Variants in SLF1 observed in about 807,000 individuals in gnomAD.
SLF1 encodes the protein SMC5/6 complex localization factor 1, also known as SMC5-SMC6 complex localization factor protein 1.
In SLF1, 105 loss-of-function variants were observed where a neutral mutation model predicts 123.0. The ratio of observed to expected loss-of-function variants is 0.85; its 90% confidence interval spans 0.73 to 1.00. SLF1 has a LOEUF of 1.00. Ranked by LOEUF, SLF1 falls within the 50% of genes least tolerant of loss-of-function variation. SLF1 has a pLI of 0.00. For missense variants in SLF1, 1,239 were observed against 1,223.0 expected (o/e 1.01, Z -0.20); for synonymous variants, 434 against 406.6 (o/e 1.07, Z -0.81).
intron 4 of SLF1, among the ~76,000 whole-genome samples, chr5:94,639,165 C>G (rs922352148): frequency 6.6e-6 from 1 of 151,214 alleles, no homozygotes; most frequent in Admixed American, 6.6e-5. Context: ...CTCAGCTTCC[C>G]GAATAACTGG....
rs139084996 is a variant in SLF1 at position 94,676,998 on chromosome 5, C to G, written c.1828-1810C>G. ...CTAGGGATTTCTTTCTCACTAATCCCATATTAGGCATAATATGTGCTAGTT... is the reference window on the plus strand; with the variant it reads ...CTAGGGATTTCTTTCTCACTAATCCGATATTAGGCATAATATGTGCTAGTT... On this transcript the variant is annotated intron_variant, in intron 14 of 20. Transcript: ENST00000265140. Among the ~76,000 whole-genome samples, 309 of 152,184 alleles carry G rather than the reference C, an allele frequency of 2.0e-3. 2 individuals are homozygous for G. The highest frequency in any genetic ancestry group is 7.2e-3 in the African/African-American group (301 of 41,524).
At chr5:94,621,753 T>C (rs1791808862) in intron 1 of SLF1, among the ~76,000 whole-genome samples, 1 of 152,160 alleles carries the variant, frequency 6.6e-6, no homozygotes, top group South Asian at 2.1e-4. Flanking sequence ...GCTTGTTCTG[T>C]TTCTTCCTTC....
intron 4 of SLF1, among the ~76,000 whole-genome samples, chr5:94,632,887 C>T (rs1389171064): frequency 6.6e-6 from 1 of 151,886 alleles, no homozygotes; most frequent in Non-Finnish European, 1.5e-5. Flanking sequence ...GGTGGGGTTT[C>T]ACTGTGTTAG....
intron 4 of SLF1, among the ~76,000 whole-genome samples, chr5:94,639,121 A>C (rs1227314549): frequency 7.0e-6 from 1 of 142,272 alleles, no homozygotes; most frequent in South Asian, 2.2e-4. Flanking sequence ...GCTCACTGCA[A>C]CCTCTGCCTC....
chr5:94,640,139 C>A (rs1176997788), intron 4 of SLF1, among the ~76,000 whole-genome samples: 1 of 151,900 alleles, frequency 6.6e-6, no homozygotes, highest in Non-Finnish European at 1.5e-5. Context: ...GGTATCATAC[C>A]TTTTTTTGCC....
intron 4 of SLF1, among the ~76,000 whole-genome samples, chr5:94,639,166 G>A (rs1746169234): frequency 1.4e-5 from 2 of 147,574 alleles, no homozygotes; most frequent in Non-Finnish European, 3.0e-5. Flanking sequence ...TCAGCTTCCC[G>A]AATAACTGGA....
chr5:94,666,578 A>G (rs556918080), intron 12 of SLF1, among the ~76,000 whole-genome samples: 62 of 152,148 alleles, frequency 4.1e-4, no homozygotes, highest in Non-Finnish European at 8.4e-4. Flanking sequence ...TCCCTAACAG[A>G]AAATGTTTTC....
intron 10 of SLF1, among the ~76,000 whole-genome samples, chr5:94,663,278 C>T (rs1212441394): frequency 1.3e-5 from 2 of 152,150 alleles, no homozygotes; most frequent in East Asian, 1.9e-4. Context: ...ACATATCATC[C>T]TCTTTGAACT....
intron 4 of SLF1, among the ~76,000 whole-genome samples, chr5:94,635,282 C>T (rs1001219144): frequency 6.7e-6 from 1 of 148,272 alleles, no homozygotes; most frequent in African/African-American, 2.5e-5. Flanking sequence ...CCTTCATTTT[C>T]ACTCTGTGTG....
intron 10 of SLF1, among the ~76,000 whole-genome samples, chr5:94,663,208 T>G (rs1420353540): frequency 1.3e-5 from 2 of 152,242 alleles, no homozygotes; most frequent in African/African-American, 2.4e-5. Context: ...GGTAGTATTT[T>G]CCCTTACTAC....
chr5:94,649,250 A>G (rs1325147616), intron 5 of SLF1, among the ~76,000 whole-genome samples: 1 of 152,166 alleles, frequency 6.6e-6, no homozygotes, highest in Non-Finnish European at 1.5e-5. Context: ...TACAGAAATC[A>G]CTTTATTATT....
At chr5:94,668,458 C>G (rs1028831640) in intron 12 of SLF1, among the ~76,000 whole-genome samples, 1 of 152,008 alleles carries the variant, frequency 6.6e-6, no homozygotes, top group Non-Finnish European at 1.5e-5. Context: ...CTCAGCCTCC[C>G]AAGTAGCTGG....
At chr5:94,624,618 T>G (rs1792070843) in intron 1 of SLF1, among the ~76,000 whole-genome samples, 1 of 152,240 alleles carries the variant, frequency 6.6e-6, no homozygotes. Context: ...ACTTGTTTAA[T>G]TCTGAGGAAG....
chr5:94,682,873 A>C (rs938385260), intron 15 of SLF1, among the ~76,000 whole-genome samples: 2 of 152,210 alleles, frequency 1.3e-5, no homozygotes, highest in Non-Finnish European at 2.9e-5. Flanking sequence ...CAGACAGTAA[A>C]TATTACTGGC....
chr5:94,687,677 C>CT (rs1421056132), intron 16 of SLF1, among the ~76,000 whole-genome samples: 5 of 150,250 alleles, frequency 3.3e-5, no homozygotes, highest in Admixed American at 2.6e-4. Context: ...AGGTGGCACA[C>CT]TAAGACCCTG....
chr5:94,678,876 C>T lies in SLF1; in HGVS notation c.1896C>T (p.Phe632=), dbSNP rs1303238206. ...GAGCAGCAATAGATTATTGGATTTTCCTTGGTCTTAAGATGGGTAGAAATG... is the reference window on the plus strand; with the variant it reads ...GAGCAGCAATAGATTATTGGATTTTTCTTGGTCTTAAGATGGGTAGAAATG... ...ILGAAIDYWI[F]LGLKMGRNVM... The change falls in exon 15 of 21, where the codon TTC becomes TTT. Residue 632 remains phenylalanine, a synonymous_variant. Coordinates refer to ENST00000265140, the MANE Select transcript of SLF1 (RefSeq NM_032290.4). 6.2e-7 allele frequency: 1 copy of T among 1,613,640 alleles called. No homozygotes were observed. Among genetic ancestry groups the T allele is most frequent in the Non-Finnish European group, 8.5e-7 (1 of 1,179,798 alleles).
Position 94,668,555 on chromosome 5 carries a change from C to G in SLF1, c.1533-1596C>G, listed in dbSNP as rs552620476. The stretch of plus-strand genomic sequence containing the variant: ...TTTACCATGTTGGTCAGGCTGGTCT[C>G]AAACTCCTGACCTTAGGTGATCCAC... On this transcript the variant is annotated intron_variant, in intron 12 of 20. Transcript: ENST00000265140. Among the ~76,000 whole-genome samples the G allele has an allele frequency of 7.9e-5, 12 of 152,166 alleles. No homozygotes were observed. The East Asian group carries it at 2.3e-3, about 29-fold the overall frequency.
Position 94,695,459 on chromosome 5 carries a change from A to T in SLF1, c.*147A>T. 9.8e-7 allele frequency: 1 copy of T among 1,024,014 alleles called. No individual in the cohort carries two copies. Among genetic ancestry groups the T allele is most frequent in the Admixed American group, 2.9e-5 (1 of 34,680 alleles). 63.4% of individuals were successfully genotyped at this position (1,024,014 alleles called of 1,614,324 possible). On this transcript the variant is annotated 3_prime_UTR_variant, in exon 21 of 21. Transcript: ENST00000265140. Reference sequence around the variant, plus strand: ...TTGCTAAATTTTAAAAGCATTTTTAAAAAAACTTCTACAAAACTCTAGTAT... The same window carrying T: ...TTGCTAAATTTTAAAAGCATTTTTATAAAAACTTCTACAAAACTCTAGTAT...
chr5:94,675,247 T>C (rs1298465785), intron 14 of SLF1, among the ~76,000 whole-genome samples: 2 of 152,252 alleles, frequency 1.3e-5, no homozygotes, highest in Non-Finnish European at 2.9e-5. Flanking sequence ...GCAGATGATA[T>C]AGAACCACAT....
Sources: allele counts gnomAD v4.1 joint callset (sites outside exome capture counted in the v4.1 genomes callset), GRCh38; gene constraint gnomAD v4.1.1; transcripts MANE v1.5; gene names NCBI Gene and HGNC (gene_info 2026-07-23, HGNC 2026-07-21).